KDR: variants seen among roughly 807,000 people sequenced by gnomAD.
KDR encodes the protein vascular endothelial growth factor receptor 2.
In KDR, 43 loss-of-function variants were observed where a neutral mutation model predicts 160.9. The ratio of observed to expected loss-of-function variants is 0.27; its 90% CI spans 0.21 to 0.34. The LOEUF (loss-of-function observed/expected upper bound fraction) is 0.34, where lower values mean the gene tolerates loss of function less well. Ranked by LOEUF, KDR falls within the 10% of genes least tolerant of loss-of-function variation. KDR has a pLI of 1.00. For synonymous variants in KDR, 617 were observed against 600.1 expected (o/e 1.03, Z -0.41); for missense variants, 1,469 against 1,666.4 (o/e 0.88, Z 2.06).
At chr4:55,115,105 T>C in intron 4 of KDR, 63 bp from the exon 5 acceptor site, 2 of 1,396,778 alleles carry the variant, frequency 1.4e-6, no homozygotes, top group East Asian at 2.3e-5. Flanking sequence ...CCATGTACAA[T>C]GATCACTGAA....
At chr4:55,098,664 T>C (rs573913096) in intron 16 of KDR, 33 bp downstream of exon 16, 4 of 1,495,308 alleles carry the variant, frequency 2.7e-6, no homozygotes, top group South Asian at 1.1e-5. Context: ...TGAAAACCAA[T>C]GTGCATGGGC....
intron 29 of KDR, among the ~76,000 whole-genome samples, chr4:55,080,500 A>T (rs890478881): frequency 3.9e-5 from 6 of 152,220 alleles, no homozygotes; most frequent in Non-Finnish European, 7.3e-5. Context: ...ATACAGTGAC[A>T]GGCGCCAAAG....
At chr4:55,123,423 C>G (rs1720945919) in intron 1 of KDR, among the ~76,000 whole-genome samples, 1 of 152,174 alleles carries the variant, frequency 6.6e-6, no homozygotes, top group Non-Finnish European at 1.5e-5. Flanking sequence ...TTTATTGCCA[C>G]AGATCACATT....
chr4:55,111,081 G>T (rs1360458422), intron 7 of KDR, among the ~76,000 whole-genome samples: 1 of 152,102 alleles, frequency 6.6e-6, no homozygotes, highest in Non-Finnish European at 1.5e-5. Context: ...GGATGCTTGG[G>T]TGCTCCTTCT....
intron 28 of KDR, among the ~76,000 whole-genome samples, 185 bp downstream of exon 28, chr4:55,082,351 C>G (rs1560511611): frequency 1.3e-5 from 2 of 152,178 alleles, no homozygotes; most frequent in Admixed American, 6.5e-5. Context: ...TGTCTTGAAC[C>G]TTGGACCAAG....
At chr4:55,088,298 G>A (rs182264443) in intron 26 of KDR, among the ~76,000 whole-genome samples, 6 of 152,312 alleles carry the variant, frequency 3.9e-5, no homozygotes, top group African/African-American at 1.2e-4. Flanking sequence ...TGTTTGGAAG[G>A]TTTATTGATA....
chr4:55,079,944 A>G lies in KDR; in HGVS notation c.4068T>C (p.Val1356=), dbSNP rs1292204954. 6.2e-7 allele frequency: 1 copy of G among 1,613,918 alleles called. No individual in the cohort carries two copies. The highest frequency in any genetic ancestry group is 1.7e-5 in the Admixed American group (1 of 60,032). ...TTGGGGGTGTGGATGCTTCCTTTTA[A>G]ACAGGAGGAGAGCTCAGTGTGGTCC... is the stretch of plus-strand genomic sequence containing the variant. ...DSGTTLSSPP[V] is the part of the protein sequence containing the mutation. The change falls in exon 30 of 30, where the codon GTT becomes GTC. Residue 1356 remains valine, a synonymous_variant. Coordinates refer to ENST00000263923, the MANE Select transcript of KDR (RefSeq NM_002253.4).
chr4:55,124,834 G>A (rs985872604), intron 1 of KDR, among the ~76,000 whole-genome samples: 15 of 152,242 alleles, frequency 9.9e-5, no homozygotes, highest in African/African-American at 3.6e-4. Flanking sequence ...CCCGGGCCCG[G>A]ACTAGGATGT....
chr4:55,108,005 T>G (rs1720485982), intron 9 of KDR, 112 bp from the exon 10 acceptor site: 2 of 1,234,884 alleles, frequency 1.6e-6, no homozygotes, highest in Admixed American at 3.6e-5. Flanking sequence ...TTGCTTCCAC[T>G]TTCTTTTTCG....
intron 1 of KDR, among the ~76,000 whole-genome samples, chr4:55,124,043 T>C (rs1389567129): frequency 6.6e-6 from 1 of 152,212 alleles, no homozygotes; most frequent in Non-Finnish European, 1.5e-5. Context: ...AGAGAGGGCT[T>C]GTCTGGGACA....
Position 55,085,832 on chromosome 4 carries a change from G to A in KDR, c.3662+1775C>T, listed in dbSNP as rs140386837. On this transcript the variant is annotated intron_variant, in intron 27 of 29. Transcript: ENST00000263923. ...TTTGTCCACGCTTCTGGGGATAAAC[G>A]TTAGCAGCCCTTCTATATATCCAAC... Among the ~76,000 whole-genome samples the A allele has an allele frequency of 7.5e-4, 115 of 152,320 alleles. 1 individual carries two copies. Among genetic ancestry groups the A allele is most frequent in the Middle Eastern group, 3.4e-3 (1 of 294 alleles).
chr4:55,116,927 C>T (rs1720750652), intron 3 of KDR, among the ~76,000 whole-genome samples: 1 of 152,172 alleles, frequency 6.6e-6, no homozygotes, highest in Non-Finnish European at 1.5e-5. Context: ...AAATCTTGGA[C>T]AGCCCAACTC....
At chr4:55,095,520 T>C in intron 20 of KDR, 57 bp downstream of exon 20, 1 of 1,291,946 alleles carries the variant, frequency 7.7e-7, no homozygotes, top group Non-Finnish European at 1.1e-6. Flanking sequence ...ACCTGTACCA[T>C]TTTGAGTTTC....
rs1340178260 is a variant in KDR, at chr4:55,101,973, C to T, written c.2190G>A (p.Glu730=). 6 of 1,613,672 alleles carry T rather than the reference C, an allele frequency of 3.7e-6. 1 individual carries two copies. Among genetic ancestry groups the T allele is most frequent in the Non-Finnish European group, 3.4e-6 (4 of 1,179,782 alleles). Residue 730 remains glutamate, a synonymous_variant, in exon 15 of 30, where the codon GAG becomes GAA. Transcript: ENST00000263923. ...RNLTIRRVRK[E]DEGLYTCQAC... is the part of the protein sequence containing the mutation. Reference sequence around the variant, plus strand: ...CCTGGCAGGTGTAGAGGCCTTCGTCCTCCTTCCTCACTCTGCGGATAGTGA... The same window carrying T: ...CCTGGCAGGTGTAGAGGCCTTCGTCTTCCTTCCTCACTCTGCGGATAGTGA...
Position 55,098,815 on chromosome 4 carries a change from C to G in KDR, c.2267-12G>C, listed in dbSNP as rs368377182. 2.4e-5 allele frequency: 37 copies of G among 1,564,228 alleles called. No individual in the cohort carries two copies. The African/African-American group carries it at 3.7e-4, about 15-fold the overall frequency. On this transcript the variant is annotated splice_polypyrimidine_tract_variant and intron_variant, in intron 15 of 29. Transcript: ENST00000263923. ...CTTTTCCTGGGCACCTGGAAAGACA[C>G]AATTGAATGAGTATCAACAGTTGGA... is the stretch of plus-strand genomic sequence containing the variant.
rs376232942 is a variant in KDR, at chr4:55,098,234, G to T, written c.2412C>A (p.Ile804=). 4 of 1,613,716 alleles carry T rather than the reference G, an allele frequency of 2.5e-6. No homozygotes were observed. Among genetic ancestry groups the T allele is most frequent in the Admixed American group, 3.3e-5 (2 of 59,984 alleles). ...ATGGGAGTTCATCTGGATCCATGACGATGGACAAGTAGCCTGTCTTCAGTT... is the reference window on the plus strand; with the variant it reads ...ATGGGAGTTCATCTGGATCCATGACTATGGACAAGTAGCCTGTCTTCAGTT... ...GGELKTGYLS[I]VMDPDELPLD... Residue 804 remains isoleucine, a synonymous_variant, in exon 17 of 30, where the codon ATC becomes ATA. Transcript: ENST00000263923.
Position 55,102,372 on chromosome 4 carries a change from T to G in KDR, c.2124A>C (p.Val708=). The G allele has an allele frequency of 6.2e-7, 1 of 1,613,734 alleles. No individual in the cohort carries two copies. The highest frequency in any genetic ancestry group is 8.5e-7 in the Non-Finnish European group (1 of 1,179,684). Residue 708 remains valine (V), a synonymous_variant, in exon 14 of 30, where the codon GTA becomes GTC. Transcript: ENST00000263923. ...CCAAATTCTATTTACCTGAGTCTTC[T>G]ACAAGGGTCTCATTATCTTTAAACC... ...IMWFKDNETL[V]EDSGIVLKDG...
chr4:55,120,283 G>A (rs1276575851), intron 2 of KDR, among the ~76,000 whole-genome samples: 1 of 152,156 alleles, frequency 6.6e-6, no homozygotes, highest in African/African-American at 2.4e-5. Flanking sequence ...TTCCAGGAGG[G>A]TAACATCACC....
intron 9 of KDR, 48 bp from the exon 10 acceptor site, chr4:55,107,941 A>C (rs773644386): frequency 1.2e-6 from 2 of 1,605,418 alleles, no homozygotes; most frequent in South Asian, 2.2e-5. Context: ...GCTTTGAAGA[A>C]TGGGAAATAG....
Sources: allele counts gnomAD v4.1 joint callset (sites outside exome capture counted in the v4.1 genomes callset), GRCh38; gene constraint gnomAD v4.1.1; transcripts MANE v1.5; gene names NCBI Gene and HGNC (gene_info 2026-07-23, HGNC 2026-07-21).